GCNT1: variants seen among roughly 807,000 people sequenced by gnomAD.
The protein encoded by GCNT1 is beta-1,3-galactosyl-O-glycosyl-glycoprotein beta-1,6-N-acetylglucosaminyltransferase.
In GCNT1, 16 loss-of-function variants were observed where a neutral mutation model predicts 26.2. That is an observed-to-expected ratio of 0.61 (90% CI 0.41 to 0.93). GCNT1 has a LOEUF of 0.93. Ranked by LOEUF, GCNT1 falls within the 40% of genes least tolerant of loss-of-function variation. The pLI is 0.00. For synonymous variants in GCNT1, 183 were observed against 190.8 expected (o/e 0.96, Z 0.34); for missense variants, 477 against 526.7 (o/e 0.91, Z 0.92).
chr9:76,421,430 T>C (rs1823189012), intron 1 of GCNT1, among the ~76,000 whole-genome samples: 1 of 151,394 alleles, frequency 6.6e-6, no homozygotes, highest in African/African-American at 2.4e-5. Flanking sequence ...TAAAACCCCA[T>C]CTCTATTTAA....
chr9:76,427,921 G>C (rs1342810303), intron 1 of GCNT1, among the ~76,000 whole-genome samples: 1 of 152,140 alleles, frequency 6.6e-6, no homozygotes, highest in Non-Finnish European at 1.5e-5. Flanking sequence ...GGTGGAAGTT[G>C]CAGTGAGCCA....
Position 76,436,072 on chromosome 9 carries a change from C to T in GCNT1, n.38+16185C>T, listed in dbSNP as rs115627634. Among the ~76,000 whole-genome samples, 613 of 151,688 alleles carry T rather than the reference C, an allele frequency of 4.0e-3. 4 individuals carry two copies. The highest frequency in any genetic ancestry group is 0.014 in the African/African-American group (589 of 41,328). The stretch of plus-strand genomic sequence containing the variant: ...CTGGGTTCAATTCTCCCTCCTCAGC[C>T]TCCCCAGTAGGTGGGATTACAGGCA... On this transcript the variant is annotated intron_variant and non_coding_transcript_variant, in intron 1 of 3. Transcript: ENST00000488136.
At chr9:76,459,357 A>T (rs1282391177) in intron 1 of GCNT1, 52 bp downstream of exon 1, 1 of 152,266 alleles carries the variant, frequency 6.6e-6, no homozygotes, top group Non-Finnish European at 1.5e-5. Context: ...CGGTGGGGGA[A>T]GGCTGAGAAG....
chr9:76,505,082 A>G lies in GCNT1; in HGVS notation c.*1414A>G, dbSNP rs149455579. 652 of 412,320 alleles carry G rather than the reference A, an allele frequency of 1.6e-3. 1 individual carries two copies. The highest frequency in any genetic ancestry group is 0.011 in the Middle Eastern group (18 of 1,588). 25.5% of individuals were successfully genotyped at this position (412,320 alleles called of 1,614,324 possible). Reference sequence around the variant, plus strand: ...TTTGCCATGTTGATACTGTTCAGCAAACAAGCTACCAGGAACTGTGAGGCT... The same window carrying G: ...TTTGCCATGTTGATACTGTTCAGCAGACAAGCTACCAGGAACTGTGAGGCT... On this transcript the variant is annotated 3_prime_UTR_variant, in exon 4 of 4. Transcript: ENST00000376730.
rs2131647426 is a variant in GCNT1, at chr9:76,503,420, A to T, written c.1039A>T (p.Met347Leu). ...PASHKYDLSD[M>L]QAVARFVKWQ... ...CAGCCATAAGTATGATCTGTCTGAC[A>T]TGCAAGCAGTTGCCAGGTTTGTCAA... Residue 347 changes from methionine (M) to leucine (L), a missense_variant, in exon 4 of 4, where the codon ATG (methionine) becomes TTG (leucine). Met to Leu is a conservative substitution (Grantham distance 15). Coordinates refer to ENST00000376730, the MANE Select transcript of GCNT1 (RefSeq NM_001490.5). The T allele has an allele frequency of 6.2e-7, 1 of 1,614,142 alleles. No individual in the cohort carries two copies. Among genetic ancestry groups the T allele is most frequent in the East Asian group, 2.2e-5 (1 of 44,884 alleles).
At chr9:76,439,139 C>T (rs962780601), upstream of GCNT1, among the ~76,000 whole-genome samples, 2 of 152,076 alleles carry the variant, frequency 1.3e-5, no homozygotes, top group African/African-American at 2.4e-5. Context: ...GCTTCAGTAT[C>T]ACCTGGGAAC....
chr9:76,503,308 G>A lies in GCNT1; in HGVS notation c.927G>A (p.Met309Ile), dbSNP rs746956990. ...AGAATGAAAAAATCCAAAAGTTGAT[G>A]GAGTGGGCACAAGACACATACAGCC... ...VLQNEKIQKL[M>I]EWAQDTYSPD... The change falls in exon 4 of 4, where the codon ATG becomes ATA. Residue 309 changes from methionine (M) to isoleucine (I), a missense_variant. Coordinates refer to ENST00000376730, the MANE Select transcript of GCNT1 (RefSeq NM_001490.5). 6.2e-7 allele frequency: 1 copy of A among 1,614,136 alleles called. No individual in the cohort carries two copies. Among genetic ancestry groups the A allele is most frequent in the Non-Finnish European group, 8.5e-7 (1 of 1,180,010 alleles).
At chr9:76,431,329 A>C (rs1301689455) in intron 1 of GCNT1, among the ~76,000 whole-genome samples, 1 of 152,000 alleles carries the variant, frequency 6.6e-6, no homozygotes, top group Non-Finnish European at 1.5e-5. Context: ...GGTCATCCAT[A>C]CTCTGACCTA....
Position 76,503,058 on chromosome 9 carries a change from A to C in GCNT1, c.677A>C (p.Asn226Thr), listed in dbSNP as rs1377472873. Residue 226 changes from asparagine to threonine, a missense_variant, in exon 4 of 4, where the codon AAC becomes ACC. Physicochemically the swap from Asn to Thr is moderately conservative, Grantham distance 65 (BLOSUM62 0). Transcript: ENST00000376730. Reference protein sequence around the residue: ...LCGMDFPIKTNLEIVRKLKLL... With the variant: ...LCGMDFPIKTTLEIVRKLKLL... ...GGTATGGATTTTCCCATTAAAACCA[A>C]CCTAGAAATTGTCAGGAAGCTCAAG... 1 of 1,614,130 alleles carries C rather than the reference A, an allele frequency of 6.2e-7. No homozygotes were observed. Among genetic ancestry groups the C allele is most frequent in the Admixed American group, 1.7e-5 (1 of 60,004 alleles).
chr9:76,490,742 A>G (rs56293555), intron 2 of GCNT1, among the ~76,000 whole-genome samples: 12,561 of 136,600 alleles, frequency 0.092, 577 homozygotes, highest in Middle Eastern at 0.18. Context: ...GAGCAGACCA[A>G]TTATTAGGCA....
intron 2 of GCNT1, among the ~76,000 whole-genome samples, chr9:76,467,618 A>G (rs1246412414): frequency 1.3e-5 from 2 of 152,178 alleles, no homozygotes; most frequent in East Asian, 3.9e-4. Context: ...ATTGAGAGCT[A>G]CTTGCCTGTT....
intron 2 of GCNT1, among the ~76,000 whole-genome samples, chr9:76,478,274 G>C (rs1408552754): frequency 6.6e-6 from 1 of 152,196 alleles, no homozygotes; most frequent in Non-Finnish European, 1.5e-5. Flanking sequence ...TGAGCTGAGA[G>C]GGTCTGTGGC....
chr9:76,429,672 C>T (rs1823307578), intron 1 of GCNT1, among the ~76,000 whole-genome samples: 1 of 150,604 alleles, frequency 6.6e-6, no homozygotes, highest in Admixed American at 6.6e-5. Context: ...CAAGAAAGTA[C>T]AAGCCCTAAT....
At chr9:76,413,769 T>C in the GCNT1 span, among the ~76,000 whole-genome samples, 1 of 151,940 alleles carries the variant, frequency 6.6e-6, no homozygotes. Flanking sequence ...TCTCAGTCTT[T>C]ATTGCTTAAA....
intron 2 of GCNT1, among the ~76,000 whole-genome samples, chr9:76,463,850 T>C (rs939278264): frequency 6.6e-6 from 1 of 151,816 alleles, no homozygotes; most frequent in African/African-American, 2.4e-5. Flanking sequence ...CCTAACCTGG[T>C]TGAGGGGAGA....
intron 2 of GCNT1, among the ~76,000 whole-genome samples, chr9:76,482,202 A>C (rs915209060): frequency 1.3e-5 from 2 of 152,140 alleles, no homozygotes; most frequent in Non-Finnish European, 2.9e-5. Flanking sequence ...CCCAACAAAG[A>C]GTTGTACTTA....
chr9:76,424,558 TAATA>T (rs1411197781), intron 1 of GCNT1, among the ~76,000 whole-genome samples: 1 of 152,182 alleles, frequency 6.6e-6, no homozygotes, highest in African/African-American at 2.4e-5. Context: ...AAAAAGTTTG[TAATA>T]AATAAACTCT....
the GCNT1 span, chr9:76,394,661 C>A: frequency 6.5e-6 from 1 of 154,378 alleles, no homozygotes; most frequent in Non-Finnish European, 1.4e-5. Context: ...GTTTCAGCCC[C>A]TGGCGATGGG....
intron 2 of GCNT1, among the ~76,000 whole-genome samples, chr9:76,482,811 A>ATT (rs56267257): frequency 0.32 from 36,790 of 115,820 alleles, 6,524 homozygotes; most frequent in South Asian, 0.36. Flanking sequence ...CACCGGGCTA[A>ATT]TTTTTTTTTT....
Sources: allele counts gnomAD v4.1 joint callset (sites outside exome capture counted in the v4.1 genomes callset), GRCh38; gene constraint gnomAD v4.1.1; transcripts MANE v1.5; gene names NCBI Gene and HGNC (gene_info 2026-07-23, HGNC 2026-07-21).